Variants in ROS1 observed in about 807,000 individuals in gnomAD.
The protein encoded by ROS1 is ROS proto-oncogene 1, receptor tyrosine kinase, also known as proto-oncogene tyrosine-protein kinase ROS.
Under a neutral mutation model 273.5 loss-of-function variants are expected in ROS1, and 263 were observed. The observed-to-expected ratio is 0.96, with a 90% CI of 0.87 to 1.06. The LOEUF (loss-of-function observed/expected upper bound fraction) is 1.06, where lower values mean the gene tolerates loss of function less well. Ranked by LOEUF, ROS1 falls within the 50% of genes least tolerant of loss-of-function variation. The probability of loss-of-function intolerance (pLI) is 0.00; values close to 1 mark genes in which losing one functional copy is unlikely to be tolerated. For missense variants in ROS1, 2,833 were observed against 2,751.1 expected (o/e 1.03, Z -0.67); for synonymous variants, 1,008 against 954.1 (o/e 1.06, Z -1.04).
chr6:117,341,389 A>G lies in ROS1; in HGVS notation c.4884+11T>C, dbSNP rs7744942. ...AATGACAATAAAGAGTGCCTAGTAAACTCACTGTACCTTTAACACATAAAT... is the reference window on the plus strand; with the variant it reads ...AATGACAATAAAGAGTGCCTAGTAAGCTCACTGTACCTTTAACACATAAAT... On this transcript the variant is annotated intron_variant, in intron 30 of 43. Transcript: ENST00000368507. 900 of 1,612,282 alleles carry G rather than the reference A, an allele frequency of 5.6e-4. 2 individuals are homozygous for G. In the African/African-American group the frequency reaches 0.011, roughly 19 times the overall value.
At position 117,344,278 on chromosome 6, in the gene ROS1, A is replaced by G; in HGVS notation, c.4304-16T>C. 1 of 1,587,494 alleles carries G rather than the reference A, an allele frequency of 6.3e-7. No individual in the cohort carries two copies. ...AACGCTTTATCTAAAATAAGAAGAA[A>G]CCAAAAGATTAAATATCTATACTAT... On this transcript the variant is annotated splice_polypyrimidine_tract_variant and intron_variant, in intron 27 of 43. Transcript: ENST00000368507.
chr6:117,389,992 G>T, intron 12 of ROS1, 146 bp from the exon 13 acceptor site: 1 of 711,276 alleles, frequency 1.4e-6, no homozygotes, highest in Non-Finnish European at 2.2e-6. Flanking sequence ...GTAGAAAAAG[G>T]TAATTTCCTA....
chr6:117,387,678 C>T, intron 14 of ROS1, 102 bp downstream of exon 14: 1 of 1,195,692 alleles, frequency 8.4e-7, no homozygotes, highest in Non-Finnish European at 1.2e-6. Context: ...TCAATACACC[C>T]TCATTCTCAT....
rs931666056 is a variant in ROS1, at chr6:117,359,482, T to A, written c.3633+327A>T. 5.3e-5 allele frequency among the ~76,000 whole-genome samples: 8 copies of A among 152,158 alleles called. No individual in the cohort carries two copies. The East Asian group carries it at 1.5e-3, about 29-fold the overall frequency. ...GGTAGTCAAATTCCAAAACTCACCT[T>A]CTTAATCACTAGGCAATACTGCCTT... On this transcript the variant is annotated intron_variant, in intron 24 of 43. Transcript: ENST00000368507.
chr6:117,347,242 A>G (rs928623433), intron 27 of ROS1, among the ~76,000 whole-genome samples: 8 of 152,160 alleles, frequency 5.3e-5, no homozygotes, highest in African/African-American at 1.9e-4. Flanking sequence ...TTCTTTCATC[A>G]GGGTTTTATA....
rs759971022 is a variant in ROS1 at position 117,320,007 on chromosome 6, ATC to A, written c.5781_5782del (p.Glu1927AspfsTer2). On this transcript the variant is annotated frameshift_variant, in exon 37 of 44. Coordinates refer to ENST00000368507, the MANE Select transcript of ROS1 (RefSeq NM_001378902.1). LOFTEE classifies it high-confidence loss of function. ...CCGAGGGAAGGCAGGAAGATTTTCA[ATC>A]TCCTCTTGGGTTGGAAGAGTACTGT... 1 of 1,613,230 alleles carries A rather than the reference ATC, an allele frequency of 6.2e-7. No homozygotes were observed. The highest frequency in any genetic ancestry group is 2.2e-5 in the East Asian group (1 of 44,848).
At position 117,389,548 on chromosome 6, in the gene ROS1, C is replaced by A; in HGVS notation, c.1588G>T (p.Asp530Tyr). ...VTDGKVIFQQ[D>Y]ALSFNEFIVG... ...ATGAATTCATTAAAAGACAAAGCAT[C>A]CTGTTGGAAAATGACCTTGCCATCT... The change falls in exon 13 of 44, where the codon GAT becomes TAT. Residue 530 changes from aspartate to tyrosine, a missense_variant. By Grantham distance (160) the Asp-to-Tyr change is radical (BLOSUM62 -3). Coordinates refer to ENST00000368507, the MANE Select transcript of ROS1 (RefSeq NM_001378902.1). 1.9e-6 allele frequency: 3 copies of A among 1,614,202 alleles called. No homozygotes were observed. Among genetic ancestry groups the A allele is most frequent in the Non-Finnish European group, 2.5e-6 (3 of 1,180,042 alleles).
In ROS1 at chr6:117,385,858, A is replaced by G. The variant is rs772072753; in HGVS notation, c.2114T>C (p.Met705Thr). The G allele has an allele frequency of 1.6e-5, 26 of 1,613,152 alleles. No homozygotes were observed. The highest frequency in any genetic ancestry group is 5.0e-5 in the Admixed American group (3 of 59,898). ...LSSDIGNVSD[M>T]DWYNNSLYYS... ...GTAGAGGCTGTTGTTATACCAATCC[A>G]TGTCTCAAAATAAAGTGAATGATTA... Residue 705 changes from methionine to threonine, a missense_variant, in exon 16 of 44, where the codon ATG (methionine) becomes ACG (threonine). Coordinates refer to ENST00000368507, the MANE Select transcript of ROS1 (RefSeq NM_001378902.1).
intron 1 of ROS1, among the ~76,000 whole-genome samples, chr6:117,423,598 T>C (rs902536649): frequency 6.6e-6 from 1 of 152,274 alleles, no homozygotes; most frequent in African/African-American, 2.4e-5. Context: ...TAACGTAAGA[T>C]AAAAGTAATG....
intron 14 of ROS1, among the ~76,000 whole-genome samples, chr6:117,387,347 G>A (rs1367125683): frequency 6.6e-6 from 1 of 152,140 alleles, no homozygotes; most frequent in Non-Finnish European, 1.5e-5. Context: ...AAGAGACTGT[G>A]TTAACAATAG....
At chr6:117,298,513 A>T (rs1189346563) in intron 43 of ROS1, among the ~76,000 whole-genome samples, 1 of 152,186 alleles carries the variant, frequency 6.6e-6, no homozygotes, top group Non-Finnish European at 1.5e-5. Context: ...GCTCTGCATG[A>T]TTGTTCCTCT....
At chr6:117,424,825 T>C (rs1776020272) in intron 1 of ROS1, among the ~76,000 whole-genome samples, 1 of 152,196 alleles carries the variant, frequency 6.6e-6, no homozygotes, top group Admixed American at 6.5e-5. Flanking sequence ...TAGGGTCATA[T>C]GCAAACTATC....
chr6:117,382,425 T>C (rs1030930970), intron 17 of ROS1, among the ~76,000 whole-genome samples: 2 of 152,166 alleles, frequency 1.3e-5, no homozygotes, highest in African/African-American at 2.4e-5. Context: ...CTGTATTATG[T>C]ATATTTTATC....
chr6:117,383,034 T>C (rs1772277286), intron 17 of ROS1, among the ~76,000 whole-genome samples: 1 of 152,170 alleles, frequency 6.6e-6, no homozygotes, highest in Non-Finnish European at 1.5e-5. Flanking sequence ...ATTAAAATAC[T>C]TTTAAGTTGG....
intron 16 of ROS1, among the ~76,000 whole-genome samples, chr6:117,384,385 A>G (rs529762127): frequency 6.6e-6 from 1 of 152,324 alleles, no homozygotes; most frequent in African/African-American, 2.4e-5. Flanking sequence ...TCTACACAAT[A>G]AAAGAATGAA....
At chr6:117,407,273 T>C (rs769627868) in intron 5 of ROS1, among the ~76,000 whole-genome samples, 1 of 152,110 alleles carries the variant, frequency 6.6e-6, no homozygotes, top group Non-Finnish European at 1.5e-5. Context: ...TTAAGGGAAC[T>C]GTCTACAGCT....
chr6:117,389,990 A>G, intron 12 of ROS1, 144 bp from the exon 13 acceptor site: 1 of 721,228 alleles, frequency 1.4e-6, no homozygotes, highest in Non-Finnish European at 2.2e-6. Flanking sequence ...AGGTAGAAAA[A>G]GGTAATTTCC....
At chr6:117,388,206 C>G (rs1334538710) in intron 13 of ROS1, among the ~76,000 whole-genome samples, 2 of 152,290 alleles carry the variant, frequency 1.3e-5, no homozygotes, top group East Asian at 1.9e-4. Context: ...TTGAAGGAGA[C>G]AGCATTCCCA....
chr6:117,330,343 G>T (rs1289075633), intron 32 of ROS1, among the ~76,000 whole-genome samples: 1 of 152,226 alleles, frequency 6.6e-6, no homozygotes, highest in African/African-American at 2.4e-5. Context: ...AGCCCCTAGG[G>T]GGAGGGGTGG....
Sources: allele counts gnomAD v4.1 joint callset (sites outside exome capture counted in the v4.1 genomes callset), GRCh38; gene constraint gnomAD v4.1.1; transcripts MANE v1.5; gene names NCBI Gene and HGNC (gene_info 2026-07-23, HGNC 2026-07-21).